DNAH8: variants seen among roughly 807,000 people sequenced by gnomAD.
DNAH8 encodes axonemal beta dynein heavy chain 8.
DNAH8 carries 382 observed loss-of-function variants against 562.1 expected under a neutral mutation model. The observed-to-expected ratio is 0.68, with a 90% CI of 0.63 to 0.74. The LOEUF (loss-of-function observed/expected upper bound fraction) is 0.74, where lower values mean the gene tolerates loss of function less well. Ranked by LOEUF, DNAH8 falls within the 30% of genes least tolerant of loss-of-function variation. The pLI is 0.00. For missense variants in DNAH8, 5,203 were observed against 5,620.4 expected (o/e 0.93, Z 2.37); for synonymous variants, 1,881 against 1,919.4 (o/e 0.98, Z 0.52).
intron 88 of DNAH8, among the ~76,000 whole-genome samples, chr6:38,995,753 G>T (rs149080205): frequency 6.6e-6 from 1 of 152,280 alleles, no homozygotes; most frequent in African/African-American, 2.4e-5. Context: ...CAATAAAATT[G>T]TTACAGAAGT....
chr6:39,001,347 G>A (rs546119560), intron 88 of DNAH8, among the ~76,000 whole-genome samples: 8 of 151,924 alleles, frequency 5.3e-5, no homozygotes, highest in Non-Finnish European at 7.4e-5. Context: ...AGATAAACAA[G>A]CATGTCATCA....
intron 89 of DNAH8, among the ~76,000 whole-genome samples, chr6:39,009,895 GGATAAATATTGTAA>G (rs1312604174): frequency 6.6e-6 from 1 of 152,108 alleles, no homozygotes; most frequent in African/African-American, 2.4e-5. Context: ...ATTTTTAAAT[GGATAAATATTGTAA>G]GTATACACTT....
chr6:38,798,436 C>T (rs772154932), intron 21 of DNAH8, among the ~76,000 whole-genome samples: 7 of 152,158 alleles, frequency 4.6e-5, no homozygotes, highest in African/African-American at 7.2e-5. Flanking sequence ...CAAGGAGTAG[C>T]GAGTCTTCTC....
At chr6:38,749,385 G>T (rs1366593355) in intron 8 of DNAH8, among the ~76,000 whole-genome samples, 1 of 152,058 alleles carries the variant, frequency 6.6e-6, no homozygotes, top group Non-Finnish European at 1.5e-5. Flanking sequence ...GGTCAGCGGG[G>T]AAAGGGGAGG....
chr6:38,836,500 A>G (rs2150361605), intron 32 of DNAH8, among the ~76,000 whole-genome samples: 1 of 142,760 alleles, frequency 7.0e-6, no homozygotes, highest in South Asian at 2.3e-4. Flanking sequence ...CAACAACAAC[A>G]ACAAAAAAAC....
intron 79 of DNAH8, among the ~76,000 whole-genome samples, chr6:38,944,895 T>G (rs1783733617): frequency 6.6e-6 from 1 of 152,064 alleles, no homozygotes; most frequent in South Asian, 2.1e-4. Context: ...TTCACTTCCT[T>G]CTTTATTCCC....
intron 88 of DNAH8, among the ~76,000 whole-genome samples, chr6:39,008,587 GGA>G (rs1765954293): frequency 6.6e-6 from 1 of 151,630 alleles, no homozygotes; most frequent in Non-Finnish European, 1.5e-5. Flanking sequence ...CCTTGAAGAT[GGA>G]GAGTGTTTCA....
chr6:38,973,770 T>A lies in DNAH8; in HGVS notation c.12635T>A (p.Ile4212Lys). The change falls in exon 84 of 93, where the codon ATA (isoleucine) becomes AAA (lysine). Residue 4212 changes from isoleucine (I) to lysine (K), a missense_variant. By Grantham distance (102) the Ile-to-Lys change is moderately radical (BLOSUM62 -3). Transcript: ENST00000327475. ...EASDDSFRVWITTEPHDRFPI... is the reference protein window; with the variant it reads ...EASDDSFRVWKTTEPHDRFPI... ...AGTGATGATTCTTTCCGAGTATGGA[T>A]AACTACGGAGCCCCATGATCGATTT... 4 of 1,611,344 alleles carry A rather than the reference T, an allele frequency of 2.5e-6. No homozygotes were observed. Among genetic ancestry groups the A allele is most frequent in the Non-Finnish European group, 3.4e-6 (4 of 1,178,988 alleles).
At chr6:39,028,650 T>C (rs1767457348) in intron 92 of DNAH8, among the ~76,000 whole-genome samples, 1 of 152,210 alleles carries the variant, frequency 6.6e-6, no homozygotes, top group Non-Finnish European at 1.5e-5. Flanking sequence ...AAGTTTTGGG[T>C]GACACTATTC....
intron 41 of DNAH8, among the ~76,000 whole-genome samples, chr6:38,856,879 G>A (rs140629294): frequency 6.6e-6 from 1 of 152,112 alleles, no homozygotes; most frequent in African/African-American, 2.4e-5. Context: ...CAGTGAAGGG[G>A]TGAGGGTGGG....
chr6:38,810,008 T>C (rs1771653742), intron 24 of DNAH8, among the ~76,000 whole-genome samples: 1 of 152,248 alleles, frequency 6.6e-6, no homozygotes, highest in Admixed American at 6.5e-5. Flanking sequence ...CTCTGTACTT[T>C]TTAGTTTTAC....
chr6:38,715,913 AATAAATAAATAAATATATATATATAT>A (rs1562519722), intron 1 of DNAH8, among the ~76,000 whole-genome samples: 1 of 43,714 alleles, frequency 2.3e-5, no homozygotes, highest in African/African-American at 1.6e-4. Context: ...AAAATAAATA[AATAAATAAATAAATATATATATATAT>A]ATATATATAT....
chr6:39,021,330 T>G, intron 91 of DNAH8, among the ~76,000 whole-genome samples: 1 of 139,150 alleles, frequency 7.2e-6, no homozygotes, highest in African/African-American at 2.6e-5. Flanking sequence ...CATGCACTTT[T>G]AGTACATCCC....
rs1275075826 is a variant in DNAH8 at position 38,935,390 on chromosome 6, A to T, written c.11458-202A>T. 1.3e-5 allele frequency among the ~76,000 whole-genome samples: 2 copies of T among 152,212 alleles called. 1 individual carries two copies. The highest frequency in any genetic ancestry group is 2.9e-5 in the Non-Finnish European group (2 of 68,030). ...GTATAAGTGCTGTGGAACCTTAATGACAGTAGGCATAATTTTAAAAAAATT... is the reference window on the plus strand; with the variant it reads ...GTATAAGTGCTGTGGAACCTTAATGTCAGTAGGCATAATTTTAAAAAAATT... On this transcript the variant is annotated intron_variant, in intron 76 of 92. Coordinates refer to ENST00000327475, the MANE Select transcript of DNAH8 (RefSeq NM_001206927.2).
chr6:38,845,134 G>A (rs1775181060), intron 35 of DNAH8, among the ~76,000 whole-genome samples: 1 of 152,056 alleles, frequency 6.6e-6, no homozygotes, highest in Non-Finnish European at 1.5e-5. Context: ...AAGCAAATGA[G>A]ATATTCATAT....
intron 76 of DNAH8, among the ~76,000 whole-genome samples, chr6:38,932,722 G>T (rs1426206813): frequency 6.6e-6 from 1 of 152,138 alleles, no homozygotes; most frequent in Non-Finnish European, 1.5e-5. Context: ...GAAGTGGATG[G>T]GTGAGAAAAA....
At position 38,868,042 on chromosome 6, in the gene DNAH8, G is replaced by T. The variant is rs1456700670; in HGVS notation, c.6694-20G>T. The stretch of plus-strand genomic sequence containing the variant: ...AGTTTTTCAATTAAACCATCTTTTT[G>T]CCCTCTTCTCCCATCTCAGGTTCAT... On this transcript the variant is annotated intron_variant, in intron 47 of 92. Transcript: ENST00000327475. The T allele has an allele frequency of 3.1e-6, 5 of 1,598,946 alleles. No individual in the cohort carries two copies. In the South Asian group the frequency reaches 5.7e-5, roughly 18 times the overall value.
chr6:38,827,770 T>TTTTTTTTTTTTTTTTC (rs1583116417), intron 29 of DNAH8, among the ~76,000 whole-genome samples: 1 of 114,228 alleles, frequency 8.8e-6, no homozygotes, highest in Non-Finnish European at 1.7e-5. Flanking sequence ...TTTTTTTTTT[T>TTTTTTTTTTTTTTTTC]TGGTGAAGAC....
At position 38,786,619 on chromosome 6, in the gene DNAH8, C is replaced by A. The variant is rs1010081512; in HGVS notation, c.2396-146C>A. 4.3e-6 allele frequency: 3 copies of A among 698,884 alleles called. No individual in the cohort carries two copies. The East Asian group carries it at 8.5e-5, about 20-fold the overall frequency. 43.3% of individuals were successfully genotyped at this position (698,884 alleles called of 1,614,324 possible). The stretch of plus-strand genomic sequence containing the variant: ...TTTTGAGTATTCACTATGTGCCAGA[C>A]GCTGTGCCTTAGCACCTGGGGCATC... On this transcript the variant is annotated intron_variant, in intron 17 of 92. Transcript: ENST00000327475.
Sources: allele counts gnomAD v4.1 joint callset (sites outside exome capture counted in the v4.1 genomes callset), GRCh38; gene constraint gnomAD v4.1.1; transcripts MANE v1.5; gene names NCBI Gene and HGNC (gene_info 2026-07-23, HGNC 2026-07-21).